The following EXOC4 variants were observed in gnomAD, a reference collection of about 807,000 sequenced individuals.
The protein encoded by EXOC4 is exocyst complex component 4.
EXOC4 carries 71 observed loss-of-function variants against 107.2 expected under a neutral mutation model. The ratio of observed to expected loss-of-function variants is 0.66; its 90% CI spans 0.55 to 0.81. The LOEUF is 0.81. Among genes scored for constraint, EXOC4 ranks in the 30% least tolerant of loss-of-function variants. EXOC4 has a pLI of 0.00. For missense variants in EXOC4, 1,108 were observed against 1,189.6 expected (o/e 0.93, Z 1.01); for synonymous variants, 456 against 441.2 (o/e 1.03, Z -0.42).
At chr7:133,384,707 T>A (rs1796687646) in intron 7 of EXOC4, among the ~76,000 whole-genome samples, 1 of 146,860 alleles carries the variant, frequency 6.8e-6, no homozygotes, top group South Asian at 2.2e-4. Context: ...TTTCCTGAAT[T>A]GGTCTTTTTT....
chr7:133,532,909 T>C (rs572645405), intron 9 of EXOC4, among the ~76,000 whole-genome samples: 1 of 152,180 alleles, frequency 6.6e-6, no homozygotes, highest in South Asian at 2.1e-4. Flanking sequence ...AGTTTAAAAC[T>C]AGAGATTTGC....
chr7:134,018,974 A>G (rs1232933467), intron 17 of EXOC4, among the ~76,000 whole-genome samples: 1 of 152,186 alleles, frequency 6.6e-6, no homozygotes, highest in East Asian at 1.9e-4. Context: ...TCTGTCACCC[A>G]GGCTGAAGTG....
intron 10 of EXOC4, among the ~76,000 whole-genome samples, chr7:133,649,061 A>C (rs1803067523): frequency 3.3e-5 from 5 of 152,132 alleles, no homozygotes; most frequent in Admixed American, 2.6e-4. Context: ...TACAGGGAAA[A>C]GTCACCTTGG....
At chr7:134,011,594 T>C (rs62462494) in intron 17 of EXOC4, among the ~76,000 whole-genome samples, 75 of 151,722 alleles carry the variant, frequency 4.9e-4, no homozygotes, top group Admixed American at 1.1e-3. Flanking sequence ...GGGCGAAAAA[T>C]TGTAACACCC....
chr7:133,472,943 T>C (rs904742988), intron 7 of EXOC4, among the ~76,000 whole-genome samples: 5 of 152,214 alleles, frequency 3.3e-5, no homozygotes, highest in Admixed American at 6.5e-5. Flanking sequence ...GCCCCAGTCA[T>C]TGGATTCTAG....
At chr7:133,438,114 C>G (rs1798017508) in intron 7 of EXOC4, among the ~76,000 whole-genome samples, 1 of 152,158 alleles carries the variant, frequency 6.6e-6, no homozygotes, top group African/African-American at 2.4e-5. Flanking sequence ...TCAGATCTGT[C>G]TTTGTCTGTA....
intron 1 of EXOC4, among the ~76,000 whole-genome samples, chr7:133,263,343 A>G (rs1356812474): frequency 3.5e-5 from 5 of 143,850 alleles, no homozygotes; most frequent in Non-Finnish European, 7.7e-5. Flanking sequence ...TGAGATAAAC[A>G]TTATATAGAT....
At chr7:133,316,682 C>T (rs1196315785) in intron 4 of EXOC4, among the ~76,000 whole-genome samples, 1 of 152,102 alleles carries the variant, frequency 6.6e-6, no homozygotes, top group Admixed American at 6.6e-5. Flanking sequence ...GGGGCTTGGC[C>T]TTCTTAGGAA....
intron 15 of EXOC4, 40 bp downstream of exon 15, chr7:133,997,673 C>T (rs1261837259): frequency 6.3e-7 from 1 of 1,591,274 alleles, no homozygotes; most frequent in East Asian, 2.3e-5. Flanking sequence ...AATTTGAATG[C>T]ACTGCGGTTC....
intron 10 of EXOC4, among the ~76,000 whole-genome samples, chr7:133,703,192 C>T (rs1794702365): frequency 6.6e-6 from 1 of 152,140 alleles, no homozygotes; most frequent in South Asian, 2.1e-4. Flanking sequence ...AGGCACGCAC[C>T]ACTGTGTCTT....
chr7:133,749,032 G>A (rs984897309), intron 10 of EXOC4, among the ~76,000 whole-genome samples: 11 of 152,156 alleles, frequency 7.2e-5, no homozygotes, highest in African/African-American at 2.4e-4. Flanking sequence ...TCAGTGGATA[G>A]GCAACATGTA....
At chr7:133,518,269 G>A (rs1215347835) in intron 9 of EXOC4, among the ~76,000 whole-genome samples, 1 of 151,742 alleles carries the variant, frequency 6.6e-6, no homozygotes, top group Non-Finnish European at 1.5e-5. Context: ...CGCAGAGATG[G>A]TAAGAAATTT....
chr7:133,570,872 A>G (rs1052783576), intron 9 of EXOC4, among the ~76,000 whole-genome samples: 10 of 152,246 alleles, frequency 6.6e-5, no homozygotes, highest in African/African-American at 2.4e-4. Context: ...ATTGTCCAGC[A>G]TGAGCCAGCT....
At chr7:133,698,104 T>C (rs1794575646) in intron 10 of EXOC4, among the ~76,000 whole-genome samples, 1 of 76,486 alleles carries the variant, frequency 1.3e-5, no homozygotes, top group African/African-American at 5.0e-5. Context: ...CATTAAAAAA[T>C]GTAAATAATT....
At chr7:133,793,858 AT>A (rs1252517854) in intron 10 of EXOC4, among the ~76,000 whole-genome samples, 1 of 6,280 alleles carries the variant, frequency 1.6e-4, no homozygotes, top group African/African-American at 2.4e-4. Flanking sequence ...CAAAAAATAA[AT>A]AAAAATAAAT....
At chr7:133,894,112 G>T (rs1799248192) in intron 11 of EXOC4, among the ~76,000 whole-genome samples, 1 of 90,538 alleles carries the variant, frequency 1.1e-5, no homozygotes, top group Non-Finnish European at 2.0e-5. Context: ...ATATTTCTTG[G>T]AGGCTTTGCT....
At chr7:133,928,561 A>C (rs184643132) in intron 13 of EXOC4, among the ~76,000 whole-genome samples, 15 of 152,218 alleles carry the variant, frequency 9.9e-5, no homozygotes, top group Admixed American at 8.5e-4. Context: ...GATTCAGCTT[A>C]GGTATCAACT....
At chr7:133,862,059 G>T (rs1798544683) in intron 11 of EXOC4, among the ~76,000 whole-genome samples, 1 of 151,970 alleles carries the variant, frequency 6.6e-6, no homozygotes, top group Admixed American at 6.6e-5. Context: ...AACCTACTTG[G>T]TCAGCAGTTG....
intron 14 of EXOC4, among the ~76,000 whole-genome samples, chr7:133,975,181 G>A (rs904071318): frequency 2.0e-5 from 3 of 152,156 alleles, no homozygotes; most frequent in Admixed American, 1.3e-4. Flanking sequence ...AAGTGAAGAA[G>A]GAAGAAGCAA....
Sources: allele counts gnomAD v4.1 joint callset (sites outside exome capture counted in the v4.1 genomes callset), GRCh38; gene constraint gnomAD v4.1.1; transcripts MANE v1.5; gene names NCBI Gene and HGNC (gene_info 2026-07-23, HGNC 2026-07-21).